The following CCSER1 variants were observed in gnomAD, a reference collection of about 807,000 sequenced individuals.
CCSER1 encodes the protein coiled-coil serine rich protein 1, also known as serine-rich coiled-coil domain-containing protein 1.
Under a neutral mutation model 82.0 loss-of-function variants are expected in CCSER1, and 41 were observed. That is an observed-to-expected ratio of 0.50 (90% CI 0.39 to 0.65). CCSER1 has a LOEUF of 0.65. Ranked by LOEUF, CCSER1 falls within the 30% of genes least tolerant of loss-of-function variation. The probability of loss-of-function intolerance (pLI) is 0.00; values close to 1 mark genes in which losing one functional copy is unlikely to be tolerated. For synonymous variants in CCSER1, 414 were observed against 383.9 expected (o/e 1.08, Z -0.92); for missense variants, 1,119 against 1,064.2 (o/e 1.05, Z -0.72).
intron 9 of CCSER1, among the ~76,000 whole-genome samples, chr4:91,051,482 TAAGA>T (rs1430593195): frequency 1.9e-4 from 29 of 152,244 alleles, no homozygotes; most frequent in Admixed American, 6.5e-4. Context: ...CTACTAAAAT[TAAGA>T]TAAATAACAC....
At chr4:90,567,502 C>A (rs1779549482) in intron 5 of CCSER1, among the ~76,000 whole-genome samples, 1 of 152,002 alleles carries the variant, frequency 6.6e-6, no homozygotes, top group Admixed American at 6.5e-5. Flanking sequence ...GTTGGTCAGG[C>A]TGGTCTCAAA....
At chr4:91,054,497 A>C (rs974066858) in intron 9 of CCSER1, among the ~76,000 whole-genome samples, 2 of 151,992 alleles carry the variant, frequency 1.3e-5, no homozygotes, top group Non-Finnish European at 2.9e-5. Flanking sequence ...TTTGATTTAA[A>C]GTCTGTTTGT....
chr4:90,523,191 A>G (rs1773346656), intron 5 of CCSER1, among the ~76,000 whole-genome samples: 1 of 152,186 alleles, frequency 6.6e-6, no homozygotes, highest in Admixed American at 6.5e-5. Context: ...TAGAACAGAA[A>G]TAATGAATAT....
At chr4:90,926,230 A>G (rs916076559) in intron 9 of CCSER1, among the ~76,000 whole-genome samples, 3 of 152,048 alleles carry the variant, frequency 2.0e-5, no homozygotes, top group African/African-American at 7.2e-5. Context: ...AAACACATGT[A>G]TCTATTTATA....
intron 6 of CCSER1, among the ~76,000 whole-genome samples, chr4:90,674,658 A>G (rs1237807555): frequency 6.6e-6 from 1 of 151,940 alleles, no homozygotes; most frequent in Non-Finnish European, 1.5e-5. Context: ...CATTCAATCC[A>G]CAGATAGTCT....
In CCSER1 at chr4:90,723,923, A is replaced by T. The variant is rs1350990956; in HGVS notation, c.1942A>T (p.Met648Leu). The T allele has an allele frequency of 6.4e-7, 1 of 1,570,574 alleles. No homozygotes were observed. Among genetic ancestry groups the T allele is most frequent in the South Asian group, 1.2e-5 (1 of 83,810 alleles). Residue 648 changes from methionine (M) to leucine (L), a missense_variant, in exon 7 of 11, where the codon ATG becomes TTG. Coordinates refer to ENST00000509176, the MANE Select transcript of CCSER1 (RefSeq NM_001145065.2). ...MKRVLQESADMSPASSTTSLP... is the reference protein window; with the variant it reads ...MKRVLQESADLSPASSTTSLP... The stretch of plus-strand genomic sequence containing the variant: ...TTCACTGTCCTTGCAGAGTGCAGAC[A>T]TGAGTCCAGCAAGCAGTACCACGTC...
At chr4:90,757,067 G>A (rs1561081055) in intron 7 of CCSER1, among the ~76,000 whole-genome samples, 2 of 152,060 alleles carry the variant, frequency 1.3e-5, no homozygotes, top group Non-Finnish European at 2.9e-5. Context: ...CTTTATATAA[G>A]AACATTTATC....
chr4:90,250,147 T>G (rs1437047554), intron 1 of CCSER1, among the ~76,000 whole-genome samples: 2 of 152,150 alleles, frequency 1.3e-5, no homozygotes, highest in Non-Finnish European at 2.9e-5. Context: ...TTATTAGATC[T>G]ATGGTTTGCG....
chr4:90,737,944 T>C (rs1745928839), intron 7 of CCSER1, among the ~76,000 whole-genome samples: 2 of 152,230 alleles, frequency 1.3e-5, no homozygotes, highest in South Asian at 4.1e-4. Context: ...TGATTCTTTT[T>C]AATTATTTCC....
At chr4:90,674,700 T>C (rs907228157) in intron 6 of CCSER1, among the ~76,000 whole-genome samples, 1 of 151,960 alleles carries the variant, frequency 6.6e-6, no homozygotes, top group African/African-American at 2.4e-5. Flanking sequence ...TCCTGTTATG[T>C]TTAAGGATCT....
At chr4:91,520,325 GTTGACCAGA>G (rs1344976667) in intron 10 of CCSER1, among the ~76,000 whole-genome samples, 1 of 141,504 alleles carries the variant, frequency 7.1e-6, no homozygotes, top group Non-Finnish European at 1.5e-5. Flanking sequence ...TTTAATCAGT[GTTGACCAGA>G]TTGGCCTTGA....
chr4:91,533,249 G>A (rs529898639), intron 10 of CCSER1, among the ~76,000 whole-genome samples: 1 of 152,174 alleles, frequency 6.6e-6, no homozygotes, highest in African/African-American at 2.4e-5. Context: ...AGTGGCAAAA[G>A]GTTGAAAATA....
At chr4:90,980,623 T>C (rs1203827560) in intron 9 of CCSER1, among the ~76,000 whole-genome samples, 1 of 151,744 alleles carries the variant, frequency 6.6e-6, no homozygotes, top group African/African-American at 2.4e-5. Context: ...AAGTGTAGAC[T>C]GAGCTAACAG....
chr4:90,745,983 A>G (rs1324698049), intron 7 of CCSER1, among the ~76,000 whole-genome samples: 2 of 151,928 alleles, frequency 1.3e-5, no homozygotes, highest in Non-Finnish European at 2.9e-5. Flanking sequence ...TACAGGCGTG[A>G]GCCACCACGC....
intron 10 of CCSER1, among the ~76,000 whole-genome samples, chr4:91,223,439 A>G (rs772741661): frequency 1.3e-5 from 2 of 152,176 alleles, no homozygotes; most frequent in Non-Finnish European, 2.9e-5. Context: ...AGTATAATAA[A>G]GAATTAATAA....
chr4:91,401,784 T>G (rs1752352042), intron 10 of CCSER1, among the ~76,000 whole-genome samples: 1 of 152,206 alleles, frequency 6.6e-6, no homozygotes, highest in Admixed American at 6.5e-5. Context: ...CACATTTTCT[T>G]AATCCAGTCT....
At chr4:90,283,843 C>T (rs1297283151) in intron 1 of CCSER1, among the ~76,000 whole-genome samples, 1 of 151,900 alleles carries the variant, frequency 6.6e-6, no homozygotes, top group Admixed American at 6.6e-5. Flanking sequence ...GGATGTACAC[C>T]CAGCAGTGGG....
At chr4:90,747,899 C>T (rs1003280212) in intron 7 of CCSER1, among the ~76,000 whole-genome samples, 2 of 148,768 alleles carry the variant, frequency 1.3e-5, no homozygotes, top group African/African-American at 4.9e-5. Context: ...GAGAATATGC[C>T]ATGTTTGGTT....
At chr4:91,044,774 T>G (rs1561497408) in intron 9 of CCSER1, among the ~76,000 whole-genome samples, 1 of 152,198 alleles carries the variant, frequency 6.6e-6, no homozygotes, top group Non-Finnish European at 1.5e-5. Context: ...CACCTGTACA[T>G]CTCATCAAAG....
Sources: allele counts gnomAD v4.1 joint callset (sites outside exome capture counted in the v4.1 genomes callset), GRCh38; gene constraint gnomAD v4.1.1; transcripts MANE v1.5; gene names NCBI Gene and HGNC (gene_info 2026-07-23, HGNC 2026-07-21).